ST3GAL2: variants seen among roughly 807,000 people sequenced by gnomAD.
ST3GAL2 encodes ST3 beta-galactoside alpha-2,3-sialyltransferase 2.
In ST3GAL2, 16 loss-of-function variants were observed where a neutral mutation model predicts 37.5. That is an observed-to-expected ratio of 0.43 (90% CI 0.29 to 0.65). ST3GAL2 has a LOEUF of 0.65. ST3GAL2 is among the 30% of genes least tolerant of loss of function. The pLI is 0.17. For synonymous variants in ST3GAL2, 238 were observed against 202.9 expected (o/e 1.17, Z -1.47); for missense variants, 383 against 487.8 (o/e 0.79, Z 2.02).
chr16:70,436,396 A>G (rs1311574903), intron 1 of ST3GAL2, among the ~76,000 whole-genome samples: 1 of 149,434 alleles, frequency 6.7e-6, no homozygotes, highest in African/African-American at 2.5e-5. Flanking sequence ...GGCTGCAGTG[A>G]GCCGAGATCA....
At chr16:70,384,497 G>C (rs942621463) in intron 4 of ST3GAL2, among the ~76,000 whole-genome samples, 1 of 151,494 alleles carries the variant, frequency 6.6e-6, no homozygotes, top group Admixed American at 6.6e-5. Flanking sequence ...ACAAGGTCAA[G>C]AGATGGAGAC....
intron 1 of ST3GAL2, among the ~76,000 whole-genome samples, chr16:70,421,042 G>C (rs993215778): frequency 3.0e-4 from 45 of 152,230 alleles, no homozygotes; most frequent in African/African-American, 1.0e-3. Flanking sequence ...CACCAACCCT[G>C]CAGGTGGCTT....
In ST3GAL2 at chr16:70,398,555, A is replaced by G. The variant is rs1216278007; in HGVS notation, c.-25T>C. 2 of 1,553,108 alleles carry G rather than the reference A, an allele frequency of 1.3e-6. No homozygotes were observed. The highest frequency in any genetic ancestry group is 1.7e-6 in the Non-Finnish European group (2 of 1,151,836). On this transcript the variant is annotated 5_prime_UTR_variant, in exon 2 of 7. It removes the in-frame stop codon of an upstream open reading frame in the 5' UTR. Coordinates refer to ENST00000342907, the MANE Select transcript of ST3GAL2 (RefSeq NM_006927.4). ...TGGTGCCGGCAGGCGGGTGACGGTC[A>G]CCGTGGCCACTCTTTTCCCAGCCCG... is the stretch of plus-strand genomic sequence containing the variant.
intron 1 of ST3GAL2, among the ~76,000 whole-genome samples, chr16:70,416,075 T>C (rs1177517458): frequency 6.6e-6 from 1 of 151,858 alleles, no homozygotes; most frequent in African/African-American, 2.4e-5. Context: ...CGAGCCCAGC[T>C]TCCAAGATTC....
At chr16:70,394,632 C>T (rs2151661801) in intron 3 of ST3GAL2, among the ~76,000 whole-genome samples, 1 of 152,324 alleles carries the variant, frequency 6.6e-6, no homozygotes, top group South Asian at 2.1e-4. Context: ...CCCACCTCAG[C>T]CTCTCAAAGC....
intron 4 of ST3GAL2, among the ~76,000 whole-genome samples, chr16:70,384,693 G>A (rs112696875): frequency 9.3e-4 from 100 of 107,574 alleles, no homozygotes; most frequent in African/African-American, 3.4e-3. Context: ...GCGACAGAGC[G>A]AAACTCTGTC....
rs2047384471 is a variant in ST3GAL2, at chr16:70,379,967, A to G, written c.*1722T>C. 1 of 152,112 alleles carries G rather than the reference A, an allele frequency of 6.6e-6. No homozygotes were observed. The highest frequency in any genetic ancestry group is 2.4e-5 in the African/African-American group (1 of 41,386). 9.4% of individuals were successfully genotyped at this position (152,112 alleles called of 1,614,324 possible). ...TTCATGATTTAAAGCAAAAGAAAAA[A>G]AAGAAATAAATTATTCTGCTCAATA... On this transcript the variant is annotated 3_prime_UTR_variant, in exon 7 of 7. Coordinates refer to ENST00000342907, the MANE Select transcript of ST3GAL2 (RefSeq NM_006927.4).
chr16:70,403,729 C>G (rs2047571041), intron 1 of ST3GAL2, among the ~76,000 whole-genome samples: 1 of 152,178 alleles, frequency 6.6e-6, no homozygotes, highest in Non-Finnish European at 1.5e-5. Context: ...AGGAGAATTG[C>G]TTGAACCAGG....
chr16:70,436,286 G>C (rs1037544305), intron 1 of ST3GAL2, among the ~76,000 whole-genome samples: 1 of 151,934 alleles, frequency 6.6e-6, no homozygotes, highest in African/African-American at 2.4e-5. Flanking sequence ...AAAGTAGCGG[G>C]GTGTCGTGGC....
At chr16:70,404,340 G>A (rs995479643) in intron 1 of ST3GAL2, among the ~76,000 whole-genome samples, 1 of 152,182 alleles carries the variant, frequency 6.6e-6, no homozygotes, top group Non-Finnish European at 1.5e-5. Context: ...TCAAGTGTTT[G>A]AAAAAGTAAG....
At chr16:70,416,600 G>T (rs1299156942) in intron 1 of ST3GAL2, among the ~76,000 whole-genome samples, 1 of 152,146 alleles carries the variant, frequency 6.6e-6, no homozygotes, top group Non-Finnish European at 1.5e-5. Context: ...CAAAAGAAAT[G>T]ATGGTTATAA....
chr16:70,433,589 T>C (rs2047805387), intron 1 of ST3GAL2, among the ~76,000 whole-genome samples: 1 of 152,016 alleles, frequency 6.6e-6, no homozygotes, highest in Admixed American at 6.6e-5. Context: ...ACTTCCTCCC[T>C]CAGATATGAA....
chr16:70,390,128 G>A (rs544763183), intron 3 of ST3GAL2, among the ~76,000 whole-genome samples: 4 of 152,240 alleles, frequency 2.6e-5, no homozygotes, highest in Non-Finnish European at 2.9e-5. Context: ...AGGCTGGAGT[G>A]CAGTGGCACC....
rs979650116 is a variant in ST3GAL2, at chr16:70,416,731, T to G, written c.-1003-17198A>C. Among the ~76,000 whole-genome samples, 14 of 149,802 alleles carry G rather than the reference T, an allele frequency of 9.3e-5. 1 individual carries two copies. The highest frequency in any genetic ancestry group is 2.0e-4 in the Admixed American group (3 of 15,188). ...AAGTGAGAGCTTTCTCTAACTTCTC[T>G]TGGACCACCCAGAAACATGAGACCT... On this transcript the variant is annotated intron_variant, in intron 1 of 6. Coordinates refer to ENST00000342907, the MANE Select transcript of ST3GAL2 (RefSeq NM_006927.4).
chr16:70,429,228 G>A (rs2047771531), intron 1 of ST3GAL2, among the ~76,000 whole-genome samples: 1 of 152,068 alleles, frequency 6.6e-6, no homozygotes, highest in Non-Finnish European at 1.5e-5. Flanking sequence ...TGGCCTCCTG[G>A]GCCCCCAGTA....
rs1006997801 is a variant in ST3GAL2, at chr16:70,377,041, A to G, written c.*4648T>C. The G allele has an allele frequency of 6.6e-6, 1 of 151,820 alleles. No homozygotes were observed. The highest frequency in any genetic ancestry group is 2.4e-5 in the African/African-American group (1 of 41,340). The allele number at this position is 151,820 out of a possible 1,614,324, so 9.4% of individuals were successfully genotyped here. On this transcript the variant is annotated 3_prime_UTR_variant, in exon 7 of 7. Coordinates refer to ENST00000342907, the MANE Select transcript of ST3GAL2 (RefSeq NM_006927.4). ...TAGGCATGAGCCACCGTGCCTGGCC[A>G]TAAAATGTTTTTAAAAAATTTTTTA...
chr16:70,419,239 G>A (rs1315389818), intron 1 of ST3GAL2, among the ~76,000 whole-genome samples: 1 of 152,216 alleles, frequency 6.6e-6, no homozygotes, highest in Non-Finnish European at 1.5e-5. Flanking sequence ...GCATACCAAA[G>A]GAAAGAGGAG....
rs565998750 is a variant in ST3GAL2, at chr16:70,437,562, A to C, written c.-1004+1387T>G. ...CAAAAAACCTGAATAATACAGGCAA[A>C]TCTGTGCCACCTCTCTGAGCCCTCG... On this transcript the variant is annotated intron_variant, in intron 1 of 6. Transcript: ENST00000342907. Among the ~76,000 whole-genome samples the C allele has an allele frequency of 8.6e-5, 13 of 150,872 alleles. No individual in the cohort carries two copies. The South Asian group carries it at 1.7e-3, about 20-fold the overall frequency.
intron 1 of ST3GAL2, among the ~76,000 whole-genome samples, chr16:70,421,048 G>A (rs560759249): frequency 6.6e-6 from 1 of 152,354 alleles, no homozygotes; most frequent in East Asian, 1.9e-4. Flanking sequence ...CCCTGCAGGT[G>A]GCTTTGGGAA....
Sources: allele counts gnomAD v4.1 joint callset (sites outside exome capture counted in the v4.1 genomes callset), GRCh38; gene constraint gnomAD v4.1.1; transcripts MANE v1.5; gene names NCBI Gene and HGNC (gene_info 2026-07-23, HGNC 2026-07-21).